PFKFB3: variants seen among roughly 807,000 people sequenced by gnomAD.
PFKFB3 encodes the protein 6-phosphofructo-2-kinase/fructose-2,6-bisphosphatase 3.
Under a neutral mutation model 68.0 loss-of-function variants are expected in PFKFB3, and 33 were observed. That is an observed-to-expected ratio of 0.49 (90% CI 0.37 to 0.65). PFKFB3 has a LOEUF of 0.65. Ranked by LOEUF, PFKFB3 falls within the 30% of genes least tolerant of loss-of-function variation. The pLI, the probability that PFKFB3 is intolerant of heterozygous loss-of-function variation, is 0.00. For synonymous variants in PFKFB3, 315 were observed against 288.2 expected (o/e 1.09, Z -0.94); for missense variants, 586 against 712.2 (o/e 0.82, Z 2.02).
chr10:6,322,507 T>C, the PFKFB3 span, among the ~76,000 whole-genome samples: 3 of 152,290 alleles, frequency 2.0e-5, no homozygotes, highest in Admixed American at 2.0e-4. Flanking sequence ...AATCACATTA[T>C]CTCACTTCCT....
In PFKFB3 at chr10:6,162,935, C is replaced by G. The variant is rs193117060; in HGVS notation, c.16+17922C>G. Among the ~76,000 whole-genome samples, 143 of 152,260 alleles carry G rather than the reference C, an allele frequency of 9.4e-4. 1 individual carries two copies. In the Middle Eastern group the frequency reaches 0.017, roughly 18 times the overall value. The stretch of plus-strand genomic sequence containing the variant: ...TACCGGAGTGTCCGTGTTTCCAGGG[C>G]GTTTTTCATGGATGGAGCTGGGAAA... On this transcript the variant is annotated intron_variant, in intron 1 of 14. Transcript: ENST00000379789.
At chr10:6,203,420 C>G in intron 1 of PFKFB3, 84 bp downstream of exon 1, 1 of 1,002,508 alleles carries the variant, frequency 1.0e-6, no homozygotes, top group Non-Finnish European at 1.4e-6. Flanking sequence ...TGCCGACGCC[C>G]CTCTGCGGGG....
intron 1 of PFKFB3, among the ~76,000 whole-genome samples, chr10:6,160,188 A>C (rs114813181): frequency 1.4e-3 from 208 of 152,354 alleles, no homozygotes; most frequent in African/African-American, 4.8e-3. Flanking sequence ...AGGGAGGCAG[A>C]AGCAGAGGAT....
At chr10:6,275,193 G>T in the PFKFB3 span, among the ~76,000 whole-genome samples, 1 of 152,214 alleles carries the variant, frequency 6.6e-6, no homozygotes, top group Non-Finnish European at 1.5e-5. This position sits in a 1 kb window ranked among gnomAD's most constrained non-coding sequence, Gnocchi z 4.9. Flanking sequence ...GGTGGTCACG[G>T]CCCCGCCCCT....
intron 14 of PFKFB3, among the ~76,000 whole-genome samples, chr10:6,251,831 G>A (rs192780872): frequency 0.029 from 4,346 of 152,196 alleles, 212 homozygotes; most frequent in African/African-American, 0.099. Context: ...AGCCAGGTGT[G>A]GTGGCGGGTG....
At chr10:6,189,963 A>G (rs1435827971) in intron 1 of PFKFB3, among the ~76,000 whole-genome samples, 2 of 149,784 alleles carry the variant, frequency 1.3e-5, no homozygotes, top group Non-Finnish European at 3.0e-5. Context: ...TTTATTTTTG[A>G]GATGGAGTCT....
At position 6,229,784 on chromosome 10, in the gene PFKFB3, A is replaced by G. The variant is rs1312395737; in HGVS notation, c.1516-3111A>G. 6.6e-6 allele frequency among the ~76,000 whole-genome samples: 1 copy of G among 152,166 alleles called. No homozygotes were observed. The highest frequency in any genetic ancestry group is 2.4e-5 in the African/African-American group (1 of 41,434). On this transcript the variant is annotated intron_variant, in intron 14 of 14. Transcript: ENST00000379775. This position sits in a 1 kb window ranked among gnomAD's most constrained non-coding sequence, Gnocchi z 4.3. The stretch of plus-strand genomic sequence containing the variant: ...TTGGTACCAGGGACCCGTTTCGTGG[A>G]AGAGAATTTTCCCCACCATGGCAGG...
the PFKFB3 span, among the ~76,000 whole-genome samples, chr10:6,308,074 C>T: frequency 1.3e-5 from 2 of 152,176 alleles, no homozygotes; most frequent in African/African-American, 2.4e-5. Flanking sequence ...AATTACATTT[C>T]CTTTCTTTAT....
At chr10:6,294,396 A>T in the PFKFB3 span, 4,328 of 304,098 alleles carry the variant, frequency 0.014, 62 homozygotes, top group Middle Eastern at 0.042. Flanking sequence ...AAGGCAAAGG[A>T]GGAGCAAAGT....
chr10:6,251,453 AGTT>A (rs1486078212), intron 14 of PFKFB3, among the ~76,000 whole-genome samples: 2 of 152,130 alleles, frequency 1.3e-5, no homozygotes, highest in African/African-American at 2.4e-5. Flanking sequence ...TTCTTTTTTC[AGTT>A]GTTGTAGCTG....
At chr10:6,306,730 G>T in the PFKFB3 span, among the ~76,000 whole-genome samples, 3 of 152,160 alleles carry the variant, frequency 2.0e-5, no homozygotes, top group African/African-American at 7.2e-5. Context: ...CGTGTCCTGG[G>T]CCCTGCAAAG....
rs1032936717 is a variant in PFKFB3 at position 6,203,023 on chromosome 10, G to T, written c.-238G>T. 2.9e-6 allele frequency: 4 copies of T among 1,370,300 alleles called. No homozygotes were observed. Among genetic ancestry groups the T allele is most frequent in the African/African-American group, 3.1e-5 (2 of 64,842 alleles). 84.9% of individuals were successfully genotyped at this position (1,370,300 alleles called of 1,614,324 possible). A position where few individuals can be genotyped will look rare whatever the true frequency, so the allele number is the denominator to read the frequency against. On this transcript the variant is annotated 5_prime_UTR_variant, in exon 1 of 15. Transcript: ENST00000379775. The stretch of plus-strand genomic sequence containing the variant: ...GCATCCCAGAGCTTTCCGAGCGGAC[G>T]AGCCGGCCGTGCCGGGCATCCCCAG...
intron 1 of PFKFB3, among the ~76,000 whole-genome samples, chr10:6,210,587 T>A (rs1197142980): frequency 1.0e-4 from 5 of 48,490 alleles, no homozygotes; most frequent in Admixed American, 2.3e-4. Flanking sequence ...CTTGATAGTG[T>A]TTTTAATAGA....
chr10:6,253,073 A>C (rs1846414790), intron 14 of PFKFB3, among the ~76,000 whole-genome samples: 1 of 152,244 alleles, frequency 6.6e-6, no homozygotes, highest in Admixed American at 6.5e-5. Flanking sequence ...GTCCACCACC[A>C]CACCCAGCTA....
chr10:6,147,368 T>C (rs2131667370), intron 1 of PFKFB3, among the ~76,000 whole-genome samples: 1 of 152,310 alleles, frequency 6.6e-6, no homozygotes, highest in African/African-American at 2.4e-5. Context: ...AAGGCGTCCA[T>C]CCTCTGCGGG....
At chr10:6,180,165 G>A (rs1842667488) in intron 1 of PFKFB3, among the ~76,000 whole-genome samples, 1 of 151,952 alleles carries the variant, frequency 6.6e-6, no homozygotes, top group Admixed American at 6.6e-5. Context: ...AACATAGTGA[G>A]ACCCTGTCTC....
downstream of PFKFB3, among the ~76,000 whole-genome samples, chr10:6,236,343 C>T (rs1015378947): frequency 1.3e-5 from 2 of 152,204 alleles, no homozygotes; most frequent in African/African-American, 2.4e-5. Flanking sequence ...CAGGGTGGAG[C>T]GTGGCAAACA....
the PFKFB3 span, among the ~76,000 whole-genome samples, chr10:6,313,375 T>C: frequency 6.6e-6 from 1 of 152,210 alleles, no homozygotes; most frequent in Admixed American, 6.6e-5. The surrounding 1 kb of genome is among the most constrained non-coding windows in gnomAD (Gnocchi z 4.2). Flanking sequence ...CAGTAGTTTA[T>C]GGAGGGAGAT....
intron 1 of PFKFB3, among the ~76,000 whole-genome samples, chr10:6,145,464 C>T (rs1407098861): frequency 6.6e-6 from 1 of 152,194 alleles, no homozygotes; most frequent in Non-Finnish European, 1.5e-5. Context: ...CCGCTGCGCT[C>T]CAGCCCCGGG....
Sources: allele counts gnomAD v4.1 joint callset (sites outside exome capture counted in the v4.1 genomes callset), GRCh38; gene constraint gnomAD v4.1.1; non-coding constraint Gnocchi (gnomAD v3.1); transcripts MANE v1.5; gene names NCBI Gene and HGNC (gene_info 2026-07-23, HGNC 2026-07-21).